Variants in UNC5C observed in about 807,000 individuals in gnomAD.
UNC5C encodes the protein netrin receptor UNC5C.
A neutral mutation model predicts 99.8 loss-of-function variants in UNC5C; 47 were observed. The observed-to-expected ratio is 0.47, with a 90% CI of 0.37 to 0.60. UNC5C has a LOEUF of 0.60. Ranked by LOEUF, UNC5C falls within the 20% of genes least tolerant of loss-of-function variation. The pLI is 0.00. For missense variants in UNC5C, 1,062 were observed against 1,165.9 expected, an observed-to-expected ratio of 0.91 and a Z score of 1.30; for synonymous variants, 487 against 452.2, an observed-to-expected ratio of 1.08 and a Z score of -0.98.
At chr4:95,295,870 A>T (rs111817791) in intron 3 of UNC5C, among the ~76,000 whole-genome samples, 5 of 152,304 alleles carry the variant, frequency 3.3e-5, no homozygotes, top group African/African-American at 1.2e-4. Flanking sequence ...AGATTGCTTG[A>T]GTTCACCAGT....
At chr4:95,457,843 C>T (rs192356348) in intron 1 of UNC5C, among the ~76,000 whole-genome samples, 4 of 152,194 alleles carry the variant, frequency 2.6e-5, no homozygotes, top group African/African-American at 7.2e-5. Flanking sequence ...ACAACCACAA[C>T]GAAAGCATGT....
intron 4 of UNC5C, among the ~76,000 whole-genome samples, chr4:95,263,886 T>C (rs1022284000): frequency 6.6e-6 from 1 of 152,218 alleles, no homozygotes; most frequent in Non-Finnish European, 1.5e-5. Context: ...CATGTCCTTA[T>C]TACTTTAAAT....
At chr4:95,300,121 G>C (rs938500340) in intron 3 of UNC5C, among the ~76,000 whole-genome samples, 1 of 152,110 alleles carries the variant, frequency 6.6e-6, no homozygotes, top group Non-Finnish European at 1.5e-5. Context: ...AGATGTAAAG[G>C]GTTCAGAAAA....
At chr4:95,380,751 AC>A (rs1271806298) in intron 1 of UNC5C, among the ~76,000 whole-genome samples, 1 of 152,198 alleles carries the variant, frequency 6.6e-6, no homozygotes, top group African/African-American at 2.4e-5. Context: ...CTAAAACCTT[AC>A]ATTTATTCAG....
chr4:95,459,825 G>A (rs912109646), intron 1 of UNC5C, among the ~76,000 whole-genome samples: 1 of 152,038 alleles, frequency 6.6e-6, no homozygotes, highest in Non-Finnish European at 1.5e-5. Context: ...CATTTATTAT[G>A]ATAATATCAT....
chr4:95,518,681 CAT>C (rs1422149797), intron 1 of UNC5C, among the ~76,000 whole-genome samples: 1 of 152,122 alleles, frequency 6.6e-6, no homozygotes, highest in African/African-American at 2.4e-5. Flanking sequence ...CTTTAAGATA[CAT>C]GTTTTCATTT....
rs1180330785 is a variant in UNC5C, at chr4:95,536,082, A to ATATATATATTTTTTT, written c.124+12651_124+12652insAAAAAAATATATATA. Among the ~76,000 whole-genome samples the ATATATATATTTTTTT allele has an allele frequency of 7.6e-5, 6 of 78,444 alleles. No individual in the cohort carries two copies. The East Asian group carries it at 1.1e-3, about 15-fold the overall frequency. 51.5% of individuals were successfully genotyped at this position (78,444 alleles called of 152,430 possible). On this transcript the variant is annotated intron_variant, in intron 1 of 15. Transcript: ENST00000453304. The stretch of plus-strand genomic sequence containing the variant: ...CATACATATATATATATATATATAT[A>ATATATATATTTTTTT]TTTTTTTTTTTTGAGATGGAGTCTC...
chr4:95,342,788 G>C (rs368703743), intron 1 of UNC5C, among the ~76,000 whole-genome samples: 6 of 151,922 alleles, frequency 3.9e-5, no homozygotes, highest in East Asian at 3.9e-4. Context: ...TGGGCCAAAG[G>C]GGGGCCCACT....
rs869293955 is a variant in UNC5C, at chr4:95,267,949, A to ATTTTTTTTTTTTTTTTTT, written c.594+10292_594+10309dup. On this transcript the variant is annotated intron_variant, in intron 4 of 15. Transcript: ENST00000453304. ...ATGATCCTGTAGGCTGAATTTTGTGATTTTTTTTTTTTTTTTTTGAGACGG... is the reference window on the plus strand; with the variant it reads ...ATGATCCTGTAGGCTGAATTTTGTGATTTTTTTTTTTTTTTTTTTTTTTTTTTTTTTTTTTTGAGACGG... Among the ~76,000 whole-genome samples, 28 of 117,564 alleles carry ATTTTTTTTTTTTTTTTTT rather than the reference A, an allele frequency of 2.4e-4. 1 individual carries two copies. Among genetic ancestry groups the ATTTTTTTTTTTTTTTTTT allele is most frequent in the African/African-American group, 8.6e-4 (25 of 29,160 alleles). The allele number at this position is 117,564 out of a possible 152,430, so 77.1% of individuals were successfully genotyped here.
intron 3 of UNC5C, among the ~76,000 whole-genome samples, chr4:95,281,276 A>G (rs916322246): frequency 1.3e-5 from 2 of 152,216 alleles, no homozygotes; most frequent in East Asian, 1.9e-4. Context: ...TTCATTTAAC[A>G]TTTATTCATT....
chr4:95,240,500 C>G (rs1739288905), intron 7 of UNC5C, among the ~76,000 whole-genome samples: 1 of 152,214 alleles, frequency 6.6e-6, no homozygotes, highest in Admixed American at 6.5e-5. Flanking sequence ...AGTTTATTGA[C>G]TTAGTAGGGA....
At chr4:95,485,494 T>G (rs1397237497) in intron 1 of UNC5C, among the ~76,000 whole-genome samples, 1 of 151,786 alleles carries the variant, frequency 6.6e-6, no homozygotes, top group Non-Finnish European at 1.5e-5. Context: ...CACTTTATAG[T>G]GTTTTTAAGA....
intron 4 of UNC5C, among the ~76,000 whole-genome samples, chr4:95,262,674 A>T (rs571812004): frequency 1.3e-5 from 2 of 152,338 alleles, no homozygotes; most frequent in South Asian, 4.1e-4. Context: ...GATAAAGTTT[A>T]TACGCAAATT....
At chr4:95,404,546 C>T (rs1745783960) in intron 1 of UNC5C, among the ~76,000 whole-genome samples, 1 of 152,126 alleles carries the variant, frequency 6.6e-6, no homozygotes, top group South Asian at 2.1e-4. Context: ...CATACGTTCT[C>T]TGGGACACTT....
intron 1 of UNC5C, among the ~76,000 whole-genome samples, chr4:95,429,745 T>C (rs1746582314): frequency 6.6e-6 from 1 of 152,080 alleles, no homozygotes; most frequent in Admixed American, 6.6e-5. Context: ...TGACTGGCAG[T>C]TATTGACACA....
intron 1 of UNC5C, among the ~76,000 whole-genome samples, chr4:95,365,311 A>G (rs1335473508): frequency 7.0e-6 from 1 of 143,028 alleles, no homozygotes; most frequent in Non-Finnish European, 1.5e-5. Flanking sequence ...AAAAAAAAAA[A>G]GAAAAGAAAT....
intron 14 of UNC5C, among the ~76,000 whole-genome samples, chr4:95,180,658 G>A (rs1023733817): frequency 6.6e-6 from 1 of 152,222 alleles, no homozygotes; most frequent in African/African-American, 2.4e-5. Context: ...GTGGGCAACA[G>A]GTCCTCTGTC....
chr4:95,279,624 A>G (rs1740982816), intron 3 of UNC5C, among the ~76,000 whole-genome samples: 1 of 152,236 alleles, frequency 6.6e-6, no homozygotes, highest in Admixed American at 6.5e-5. Context: ...TCATGCATGT[A>G]CAGTTCAGTT....
At chr4:95,411,295 A>AC (rs140077293) in intron 1 of UNC5C, among the ~76,000 whole-genome samples, 1,667 of 152,086 alleles carry the variant, frequency 0.011, 36 homozygotes, top group African/African-American at 0.038. Context: ...GGCAAAAAAA[A>AC]CCCTCAGATG....
Sources: gnomAD v4.1 joint callset for allele counts (sites outside exome capture counted in the v4.1 genomes callset) on GRCh38, gnomAD v4.1.1 for gene constraint, MANE v1.5 for transcripts, NCBI Gene and HGNC (gene_info 2026-07-23, HGNC 2026-07-21) for gene names.